Variants in TACC1 observed in about 807,000 individuals in gnomAD.
The protein encoded by TACC1 is transforming acidic coiled-coil-containing protein 1.
TACC1 carries 48 observed loss-of-function variants against 84.4 expected under a neutral mutation model. The ratio of observed to expected loss-of-function variants is 0.57; its 90% CI spans 0.45 to 0.72. TACC1 has a LOEUF of 0.72. Among genes scored for constraint, TACC1 ranks in the 30% least tolerant of loss-of-function variants. The pLI, the probability that TACC1 is intolerant of heterozygous loss-of-function variation, is 0.00. For synonymous variants in TACC1, 372 were observed against 376.3 expected, an observed-to-expected ratio of 0.99 and a Z score of 0.13; for missense variants, 920 against 973.0, an observed-to-expected ratio of 0.95 and a Z score of 0.72.
intron 2 of TACC1, among the ~76,000 whole-genome samples, chr8:38,807,708 G>C (rs570433782): frequency 1.3e-5 from 2 of 152,290 alleles, no homozygotes; most frequent in South Asian, 2.1e-4. Context: ...AATATTTTGT[G>C]ATAACATTTC....
Position 38,826,963 on chromosome 8 carries a change from A to T in TACC1, c.1453-205A>T, listed in dbSNP as rs145697268. ...AGAAGATCATTTTTTAAAACCTCAG[A>T]CTCAAGTTACAGAAACTAGGTTCTA... is the stretch of plus-strand genomic sequence containing the variant. On this transcript the variant is annotated intron_variant, in intron 4 of 12. Coordinates refer to ENST00000317827, the MANE Select transcript of TACC1 (RefSeq NM_006283.3). Among the ~76,000 whole-genome samples the T allele has an allele frequency of 6.0e-3, 911 of 152,254 alleles. 4 individuals carry two copies. Among genetic ancestry groups the T allele is most frequent in the Non-Finnish European group, 9.6e-3 (651 of 68,010 alleles).
At chr8:38,745,538 T>C in intron 3 of TACC1, 1 of 678,204 alleles carries the variant, frequency 1.5e-6, no homozygotes, top group South Asian at 1.6e-5. Flanking sequence ...TCTGTTTGTT[T>C]GTTTGTTTTT....
At position 38,819,823 on chromosome 8, in the gene TACC1, C is replaced by G; in HGVS notation, c.579C>G (p.Asp193Glu). 2 of 1,613,916 alleles carry G rather than the reference C, an allele frequency of 1.2e-6. No homozygotes were observed. The highest frequency in any genetic ancestry group is 2.2e-5 in the South Asian group (2 of 91,088). The change falls in exon 3 of 13, where the codon GAC becomes GAG. Residue 193 changes from aspartate to glutamate, a missense_variant. This residue lies in a region of TACC1 where 762 missense variants were observed against 747.3 expected (regional missense o/e 1.02). Coordinates refer to ENST00000317827, the MANE Select transcript of TACC1 (RefSeq NM_006283.3). ...CCAGCCCGCCAGACGCCCTCCAGGA[C>G]GAGGCGATGACAGAAGGCAGCATGG... ...LPSSPPDALQ[D>E]EAMTEGSMGV...
At chr8:38,776,686 T>G (rs1032561522) in intron 3 of TACC1, among the ~76,000 whole-genome samples, 2 of 152,234 alleles carry the variant, frequency 1.3e-5, no homozygotes, top group African/African-American at 4.8e-5. Flanking sequence ...TCCACTGTGG[T>G]GTCATGTTGA....
In TACC1 at chr8:38,850,790, A is replaced by C. The variant is rs1337887190; in HGVS notation, c.*2767A>C. The C allele has an allele frequency of 3.5e-5, 5 of 143,932 alleles. No individual in the cohort carries two copies. In the East Asian group the frequency reaches 5.8e-4, roughly 17 times the overall value. 8.9% of individuals were successfully genotyped at this position (143,932 alleles called of 1,614,324 possible). A position where few individuals can be genotyped will look rare whatever the true frequency, so the allele number is the denominator to read the frequency against. On this transcript the variant is annotated 3_prime_UTR_variant, in exon 13 of 13. Transcript: ENST00000317827. Reference sequence around the variant, plus strand: ...GATCTTGTCTCAAAAAAAAAAAAAAAAAAAAAAAAACCAGGAGTGAAAAAG... The same window carrying C: ...GATCTTGTCTCAAAAAAAAAAAAAACAAAAAAAAAACCAGGAGTGAAAAAG...
chr8:38,821,765 A>G (rs1428976488), intron 3 of TACC1, among the ~76,000 whole-genome samples: 1 of 152,212 alleles, frequency 6.6e-6, no homozygotes, highest in Non-Finnish European at 1.5e-5. Flanking sequence ...TACATCACTT[A>G]GCCACAGGGT....
At chr8:38,777,618 CAAACA>C (rs371428385) in intron 3 of TACC1, among the ~76,000 whole-genome samples, 3 of 152,090 alleles carry the variant, frequency 2.0e-5, no homozygotes, top group Admixed American at 1.3e-4. Flanking sequence ...CCTGTTTCTA[CAAACA>C]AAACAAAACA....
chr8:38,751,081 T>C (rs180673691), intron 3 of TACC1, among the ~76,000 whole-genome samples: 101 of 152,334 alleles, frequency 6.6e-4, no homozygotes, highest in Non-Finnish European at 9.3e-4. Flanking sequence ...CTTTGATCTA[T>C]AAATTGGCAT....
intron 5 of TACC1, 34 bp downstream of exon 5, chr8:38,827,409 A>G: frequency 2.5e-6 from 4 of 1,607,330 alleles, no homozygotes; most frequent in Non-Finnish European, 3.4e-6. Flanking sequence ...TCTAATGTAC[A>G]TAAGCATGGA....
chr8:38,766,946 T>G (rs1055034819), intron 3 of TACC1, among the ~76,000 whole-genome samples: 1 of 152,192 alleles, frequency 6.6e-6, no homozygotes, highest in Non-Finnish European at 1.5e-5. Flanking sequence ...TATTTCCTAC[T>G]GATAAGATAG....
intron 2 of TACC1, among the ~76,000 whole-genome samples, chr8:38,790,468 G>A (rs1194738878): frequency 6.6e-6 from 1 of 152,162 alleles, no homozygotes; most frequent in Non-Finnish European, 1.5e-5. Context: ...GGCTCCCTGG[G>A]CTGCTGTGTG....
chr8:38,747,016 G>T (rs1808211696), intron 3 of TACC1, among the ~76,000 whole-genome samples: 1 of 152,100 alleles, frequency 6.6e-6, no homozygotes, highest in African/African-American at 2.4e-5. Context: ...AAAAGACAGA[G>T]ATTAATAATT....
chr8:38,754,327 G>A (rs867569901), intron 3 of TACC1, among the ~76,000 whole-genome samples: 19 of 151,976 alleles, frequency 1.3e-4, no homozygotes, highest in Middle Eastern at 3.2e-3. Flanking sequence ...GATTCTTCCC[G>A]GCAGCCCGTC....
At chr8:38,775,010 CAAAA>C (rs913147283) in intron 3 of TACC1, among the ~76,000 whole-genome samples, 1 of 83,752 alleles carries the variant, frequency 1.2e-5, no homozygotes. Context: ...GACTCCGTCT[CAAAA>C]AAAAAAAAAA....
intron 4 of TACC1, among the ~76,000 whole-genome samples, chr8:38,826,164 A>G (rs1827994718): frequency 6.6e-6 from 1 of 152,216 alleles, no homozygotes; most frequent in African/African-American, 2.4e-5. Flanking sequence ...AATTTGGATC[A>G]GAAACTTGGT....
chr8:38,796,252 G>C (rs1819946655), intron 2 of TACC1, among the ~76,000 whole-genome samples: 1 of 152,164 alleles, frequency 6.6e-6, no homozygotes, highest in African/African-American at 2.4e-5. Flanking sequence ...TAGTGGACCT[G>C]GGTTTTGAAT....
intron 2 of TACC1, among the ~76,000 whole-genome samples, chr8:38,789,346 C>T (rs886245673): frequency 2.0e-5 from 3 of 152,214 alleles, no homozygotes; most frequent in Non-Finnish European, 4.4e-5. Flanking sequence ...CCCAGCCCTT[C>T]ATCTGCAGGA....
intron 3 of TACC1, among the ~76,000 whole-genome samples, chr8:38,746,285 T>TG (rs1808077550): frequency 6.6e-6 from 1 of 152,126 alleles, no homozygotes; most frequent in African/African-American, 2.4e-5. Context: ...AAGAGCCAAA[T>TG]GGAAAGCCCC....
At chr8:38,812,609 A>T (rs1437940667) in intron 2 of TACC1, among the ~76,000 whole-genome samples, 1 of 152,108 alleles carries the variant, frequency 6.6e-6, no homozygotes, top group Non-Finnish European at 1.5e-5. Flanking sequence ...CCTTTTCCAC[A>T]TTGCAACTGG....
Sources: allele counts gnomAD v4.1 joint callset (sites outside exome capture counted in the v4.1 genomes callset), GRCh38; gene constraint gnomAD v4.1.1; regional missense constraint gnomAD v4.1.1; transcripts MANE v1.5; gene names NCBI Gene and HGNC (gene_info 2026-07-23, HGNC 2026-07-21).